The following DRD2 variants were observed in gnomAD, a reference collection of about 807,000 sequenced individuals.
DRD2 encodes dopamine receptor D2.
DRD2 carries 8 observed loss-of-function variants against 38.0 expected under a neutral mutation model. The ratio of observed to expected loss-of-function variants is 0.21; its 90% CI spans 0.12 to 0.38. The LOEUF is 0.38. Ranked by LOEUF, DRD2 falls within the 10% of genes least tolerant of loss-of-function variation. The probability of loss-of-function intolerance (pLI) is 1.00; values close to 1 mark genes in which losing one functional copy is unlikely to be tolerated. For synonymous variants in DRD2, 230 were observed against 238.6 expected, an observed-to-expected ratio of 0.96 and a Z score of 0.33; for missense variants, 403 against 607.7, an observed-to-expected ratio of 0.66 and a Z score of 3.54.
At chr11:113,427,175 G>A (rs1156944378) in intron 1 of DRD2, among the ~76,000 whole-genome samples, 3 of 152,180 alleles carry the variant, frequency 2.0e-5, no homozygotes, top group Admixed American at 1.3e-4. Context: ...TATTATCCCT[G>A]TCTATGGCCA....
rs535890102 is a variant in DRD2, at chr11:113,439,606, G to A, written c.-31-14924C>T. ...TGTAATCCCAGCACTTCGAGAGGCTGAGGCAGCTAGATCACTTGAGGTCAG... is the reference window on the plus strand; with the variant it reads ...TGTAATCCCAGCACTTCGAGAGGCTAAGGCAGCTAGATCACTTGAGGTCAG... On this transcript the variant is annotated intron_variant, in intron 1 of 7. Coordinates refer to ENST00000362072, the MANE Select transcript of DRD2 (RefSeq NM_000795.4). Among the ~76,000 whole-genome samples, 37 of 152,074 alleles carry A rather than the reference G, an allele frequency of 2.4e-4. No homozygotes were observed. In the East Asian group the frequency reaches 7.0e-3, roughly 29 times the overall value.
chr11:113,433,424 T>C (rs1951006900), intron 1 of DRD2, among the ~76,000 whole-genome samples: 1 of 152,168 alleles, frequency 6.6e-6, no homozygotes, highest in Admixed American at 6.5e-5. Flanking sequence ...AGACCTAGGC[T>C]GGGGGATACC....
intron 1 of DRD2, among the ~76,000 whole-genome samples, chr11:113,462,467 A>AC (rs1951331935): frequency 1.3e-5 from 2 of 152,212 alleles, no homozygotes; most frequent in Non-Finnish European, 2.9e-5. Flanking sequence ...ACAGAGAGCC[A>AC]TGGGGGAGAG....
At chr11:113,435,709 C>T (rs60599314) in intron 1 of DRD2, among the ~76,000 whole-genome samples, 20,299 of 150,724 alleles carry the variant, frequency 0.13, 1,489 homozygotes, top group Middle Eastern at 0.18. Context: ...TTGGTTTGCC[C>T]CAGGGGCTAC....
intron 2 of DRD2, among the ~76,000 whole-genome samples, chr11:113,421,315 C>A (rs1021163320): frequency 1.3e-5 from 2 of 152,210 alleles, no homozygotes; most frequent in African/African-American, 4.8e-5. Flanking sequence ...CCCTGTCAAC[C>A]TCTGCATCCC....
intron 1 of DRD2, among the ~76,000 whole-genome samples, chr11:113,447,369 G>A (rs1409810427): frequency 6.6e-6 from 1 of 151,710 alleles, no homozygotes; most frequent in Non-Finnish European, 1.5e-5. Flanking sequence ...GCAGTTTCTG[G>A]CACACCCCTG....
intron 2 of DRD2, among the ~76,000 whole-genome samples, chr11:113,419,210 G>T (rs577004936): frequency 1.6e-4 from 24 of 152,286 alleles, no homozygotes; most frequent in African/African-American, 4.8e-4. Flanking sequence ...GCCCCAAAAT[G>T]ATCTGTTAAG....
chr11:113,468,039 A>C (rs1951387017), intron 1 of DRD2, among the ~76,000 whole-genome samples: 1 of 152,258 alleles, frequency 6.6e-6, no homozygotes, highest in African/African-American at 2.4e-5. Flanking sequence ...AAGCATCTTA[A>C]TAATAACAAT....
chr11:113,455,134 G>C (rs1277388174), intron 1 of DRD2, among the ~76,000 whole-genome samples: 1 of 152,110 alleles, frequency 6.6e-6, no homozygotes, highest in Admixed American at 6.6e-5. Context: ...GGATCACGAG[G>C]TCAGGAGTTC....
chr11:113,460,183 G>T (rs934442455), intron 1 of DRD2, among the ~76,000 whole-genome samples: 1 of 152,214 alleles, frequency 6.6e-6, no homozygotes, highest in Non-Finnish European at 1.5e-5. Flanking sequence ...CATTATTCCA[G>T]TTCCCTCAGT....
chr11:113,438,145 C>A (rs896387215), intron 1 of DRD2, among the ~76,000 whole-genome samples: 1 of 152,158 alleles, frequency 6.6e-6, no homozygotes, highest in Non-Finnish European at 1.5e-5. Context: ...GAGTCACTTC[C>A]TCTGTCCCTG....
intron 1 of DRD2, among the ~76,000 whole-genome samples, chr11:113,442,443 C>T (rs538818524): frequency 1.3e-5 from 2 of 152,312 alleles, no homozygotes; most frequent in South Asian, 4.1e-4. Context: ...CTAATCCTCC[C>T]CATCAAGGGG....
chr11:113,410,740 A>G lies in DRD2; in HGVS notation c.1319T>C (p.Ile440Thr). Residue 440 changes from isoleucine (I) to threonine (T), a missense_variant, in exon 8 of 8, where the codon ATC (isoleucine) becomes ACC (threonine). By Grantham distance (89) the Ile-to-Thr change is moderately conservative. This residue lies in a region of DRD2 where 67 missense variants were observed against 136.1 expected (regional missense o/e 0.49). Transcript: ENST00000362072. ...NIEFRKAFLKILHC is the reference protein window; with the variant it reads ...NIEFRKAFLKTLHC ...CAGGCAGCAGAGTCAGCAGTGGAGG[A>G]TCTTCAGGAAGGCCTTGCGGAACTC... The G allele has an allele frequency of 6.2e-7, 1 of 1,614,180 alleles. No homozygotes were observed. Among genetic ancestry groups the G allele is most frequent in the Admixed American group, 1.7e-5 (1 of 60,028 alleles).
chr11:113,421,200 T>C (rs1950880977), intron 2 of DRD2, among the ~76,000 whole-genome samples: 1 of 152,166 alleles, frequency 6.6e-6, no homozygotes, highest in Non-Finnish European at 1.5e-5. Flanking sequence ...GAAAGCATCA[T>C]TTCTCCCTGA....
At chr11:113,466,576 T>C (rs1468481868) in intron 1 of DRD2, among the ~76,000 whole-genome samples, 1 of 152,048 alleles carries the variant, frequency 6.6e-6, no homozygotes, top group African/African-American at 2.4e-5. Context: ...ATAGTGCAGG[T>C]TAGGGATGAA....
At chr11:113,448,290 C>G (rs1442997626) in intron 1 of DRD2, among the ~76,000 whole-genome samples, 1 of 152,144 alleles carries the variant, frequency 6.6e-6, no homozygotes, top group Non-Finnish European at 1.5e-5. Context: ...CTGACTTCAA[C>G]CTGGGGCAGC....
intron 1 of DRD2, among the ~76,000 whole-genome samples, chr11:113,465,988 A>G (rs952595391): frequency 6.6e-6 from 1 of 152,212 alleles, no homozygotes; most frequent in Non-Finnish European, 1.5e-5. Flanking sequence ...TTTCCTTTGC[A>G]CAAAACCCAA....
At chr11:113,461,817 G>A (rs1199102664) in intron 1 of DRD2, among the ~76,000 whole-genome samples, 2 of 152,160 alleles carry the variant, frequency 1.3e-5, no homozygotes, top group Non-Finnish European at 2.9e-5. Context: ...CACTTAATAT[G>A]CACATCCAGC....
chr11:113,419,685 C>T (rs1019127748), intron 2 of DRD2, among the ~76,000 whole-genome samples: 2 of 152,298 alleles, frequency 1.3e-5, no homozygotes, highest in South Asian at 2.1e-4. Flanking sequence ...AGCCCCCTCC[C>T]GCAACCCGGA....
Sources: gnomAD v4.1 joint callset for allele counts (sites outside exome capture counted in the v4.1 genomes callset) on GRCh38, gnomAD v4.1.1 for gene constraint, gnomAD v4.1.1 regional missense constraint, MANE v1.5 for transcripts, NCBI Gene and HGNC (gene_info 2026-07-23, HGNC 2026-07-21) for gene names.